Variants in ZBTB7B observed in about 807,000 individuals in gnomAD.
ZBTB7B encodes the protein zinc finger and BTB domain containing 7B, also known as zinc finger and BTB domain-containing protein 7B.
In ZBTB7B, 8 loss-of-function variants were observed where a neutral mutation model predicts 31.0. The observed-to-expected ratio is 0.26, with a 90% CI of 0.15 to 0.47. ZBTB7B has a LOEUF of 0.47. Ranked by LOEUF, ZBTB7B falls within the 20% of genes least tolerant of loss-of-function variation. The pLI, the probability that ZBTB7B is intolerant of heterozygous loss-of-function variation, is 0.99. For missense variants in ZBTB7B, 494 were observed against 742.4 expected (o/e 0.67, Z 3.89); for synonymous variants, 261 against 307.3 (o/e 0.85, Z 1.58).
chr1:155,015,395 T>C lies in ZBTB7B; in HGVS notation c.735T>C (p.Ser245=), dbSNP rs150014228. The C allele has an allele frequency of 2.7e-5, 42 of 1,569,150 alleles. No homozygotes were observed. The African/African-American group carries it at 4.1e-4, about 15-fold the overall frequency. The stretch of plus-strand genomic sequence containing the variant: ...AGGTGGCGGGCAGAGTGGGCAGCAG[T>C]GGGGGCAGTGGGCCGGGGGACAGCT... ...EEEVAGRVGS[S]GGSGPGDSYS... The change falls in exon 2 of 3, where the codon AGT becomes AGC. Residue 245 remains serine (S), a synonymous_variant. Transcript: ENST00000535420.
At chr1:155,015,955 G>A in intron 2 of ZBTB7B, 141 bp downstream of exon 2, 2 of 1,148,052 alleles carry the variant, frequency 1.7e-6, no homozygotes, top group Non-Finnish European at 2.4e-6. Context: ...ACTGGAGTGA[G>A]GAGAGCAGAA....
intron 1 of ZBTB7B, among the ~76,000 whole-genome samples, chr1:155,006,761 A>G (rs1255696599): frequency 6.6e-6 from 1 of 150,912 alleles, no homozygotes; most frequent in Non-Finnish European, 1.5e-5. Context: ...CCCCACCCAT[A>G]TGCCCCTTTC....
intron 1 of ZBTB7B, among the ~76,000 whole-genome samples, chr1:155,013,823 T>G: frequency 7.9e-6 from 1 of 126,424 alleles, no homozygotes; most frequent in Non-Finnish European, 1.6e-5. Flanking sequence ...CAGCAAAGGG[T>G]GGCTGCTCCT....
chr1:155,014,617 C>G (rs1251411038), intron 1 of ZBTB7B, 38 bp from the exon 2 acceptor site: 1 of 1,572,888 alleles, frequency 6.4e-7, no homozygotes, highest in East Asian at 2.2e-5. Flanking sequence ...CCCCTGTGGG[C>G]TGAGCGCTCT....
chr1:155,015,011 C>T lies in ZBTB7B; in HGVS notation c.351C>T (p.Asn117=), dbSNP rs1452267839. The T allele has an allele frequency of 6.2e-7, 1 of 1,614,020 alleles. No individual in the cohort carries two copies. Among genetic ancestry groups the T allele is most frequent in the Admixed American group, 1.7e-5 (1 of 60,024 alleles). Residue 117 remains asparagine (N), a synonymous_variant, in exon 2 of 3, where the codon AAC becomes AAT. Transcript: ENST00000535420. The part of the protein sequence containing the change: ...YTATLTTSSA[N]MPAVLQAARL... Reference sequence around the variant, plus strand: ...CCACACTGACCACCAGCAGCGCCAACATGCCAGCTGTGCTCCAGGCTGCCC... The same window carrying T: ...CCACACTGACCACCAGCAGCGCCAATATGCCAGCTGTGCTCCAGGCTGCCC...
At chr1:155,014,047 G>T in intron 1 of ZBTB7B, 1 of 986,158 alleles carries the variant, frequency 1.0e-6, no homozygotes, top group Non-Finnish European at 1.2e-6. Context: ...GATAACTTGA[G>T]TTAAAGCACC....
intron 1 of ZBTB7B, among the ~76,000 whole-genome samples, chr1:155,006,973 G>A (rs1294018535): frequency 6.6e-6 from 1 of 152,142 alleles, no homozygotes; most frequent in South Asian, 2.1e-4. Context: ...TTCTCAAGGG[G>A]GACTACAACT....
chr1:155,004,492 C>G lies in ZBTB7B; in HGVS notation c.-7+1549C>G, dbSNP rs745745373. Among the ~76,000 whole-genome samples, 99 of 152,116 alleles carry G rather than the reference C, an allele frequency of 6.5e-4. No homozygotes were observed. Among genetic ancestry groups the G allele is most frequent in the Non-Finnish European group, 1.2e-3 (85 of 68,002 alleles). ...TGGGGTTGCCTCCTGCTGCCCCACACACACCAACTGGTTTGGTCACCCCTG... is the reference window on the plus strand; with the variant it reads ...TGGGGTTGCCTCCTGCTGCCCCACAGACACCAACTGGTTTGGTCACCCCTG... On this transcript the variant is annotated intron_variant, in intron 1 of 2. Coordinates refer to ENST00000535420, the MANE Select transcript of ZBTB7B (RefSeq NM_001256455.2). This position sits in a 1 kb window ranked among gnomAD's most constrained non-coding sequence, Gnocchi z 4.0.
rs775864598 is a variant in ZBTB7B, at chr1:155,016,446, C to T, written c.1381C>T (p.Arg461Trp). Residue 461 changes from arginine (R) to tryptophan (W), a missense_variant, in exon 3 of 3, where the codon CGG becomes TGG. Physicochemically the swap from Arg to Trp is moderately radical, Grantham distance 101. This residue lies in a region of ZBTB7B where 101 missense variants were observed against 119.5 expected (regional missense o/e 0.85). Coordinates refer to ENST00000535420, the MANE Select transcript of ZBTB7B (RefSeq NM_001256455.2). The surrounding 1 kb of genome is among the most constrained non-coding windows in gnomAD (Gnocchi z 4.3). ...GQNCLEVRTR[R>W]RRKDDAPPHY... ...GAACTGCCTGGAGGTGCGCACCCGA[C>T]GGCGCCGCAAGGACGATGCACCACC... The T allele has an allele frequency of 3.1e-6, 5 of 1,613,958 alleles. No individual in the cohort carries two copies. Among genetic ancestry groups the T allele is most frequent in the East Asian group, 2.2e-5 (1 of 44,890 alleles).
intron 1 of ZBTB7B, chr1:155,014,118 C>T: frequency 1.0e-6 from 1 of 983,318 alleles, no homozygotes; most frequent in Non-Finnish European, 1.2e-6. Flanking sequence ...TCTCATTGGC[C>T]TCTCCCCAGG....
rs1415385456 is a variant in ZBTB7B, at chr1:155,016,541, C to T, written c.1476C>T (p.Asp492=). The T allele has an allele frequency of 2.5e-6, 4 of 1,614,014 alleles. No homozygotes were observed. The highest frequency in any genetic ancestry group is 3.4e-6 in the Non-Finnish European group (4 of 1,179,970). ...TCGACCTCTCCAATGGCCACCTGGA[C>T]ACCTTCCGCCTCTCTCTAGCTCGAT... The part of the protein sequence containing the change: ...AGLDLSNGHL[D]TFRLSLARFW... Residue 492 remains aspartate (D), a synonymous_variant, in exon 3 of 3, where the codon GAC becomes GAT. Transcript: ENST00000535420. The surrounding 1 kb of genome is among the most constrained non-coding windows in gnomAD (Gnocchi z 4.3).
At chr1:155,007,232 A>G (rs947353311) in intron 1 of ZBTB7B, among the ~76,000 whole-genome samples, 2 of 152,120 alleles carry the variant, frequency 1.3e-5, no homozygotes, top group African/African-American at 4.8e-5. Flanking sequence ...TTAGGGCCCC[A>G]CCCAAAAGAT....
rs1659589086 is a variant in ZBTB7B, at chr1:155,017,970, G to T, written c.*1285G>T. ...TTGGTCTTGTTGAAATCTAGTTTCA[G>T]ATTTTTAACTACCCAATTCTGCTGG... On this transcript the variant is annotated 3_prime_UTR_variant, in exon 3 of 3. Coordinates refer to ENST00000535420, the MANE Select transcript of ZBTB7B (RefSeq NM_001256455.2). 1.3e-5 allele frequency: 2 copies of T among 157,284 alleles called. No homozygotes were observed. The highest frequency in any genetic ancestry group is 4.8e-5 in the African/African-American group (2 of 41,486). 9.7% of individuals were successfully genotyped at this position (157,284 alleles called of 1,614,324 possible). A position where few individuals can be genotyped will look rare whatever the true frequency, so the allele number is the denominator to read the frequency against.
Position 155,016,223 on chromosome 1 carries a change from C to T in ZBTB7B, c.1158C>T (p.Asn386=), listed in dbSNP as rs761457355. The T allele has an allele frequency of 1.4e-5, 23 of 1,611,866 alleles. No individual in the cohort carries two copies. In the Admixed American group the frequency reaches 3.2e-4, roughly 22 times the overall value. Residue 386 remains asparagine (N), a synonymous_variant, in exon 3 of 3, where the codon AAC becomes AAT. Transcript: ENST00000535420. This position sits in a 1 kb window ranked among gnomAD's most constrained non-coding sequence, Gnocchi z 4.3. ...CCCTCACCCCTGCCTGTGCCAGGAACGACAAGCTGAAGATCCACATGCGGA... is the reference window on the plus strand; with the variant it reads ...CCCTCACCCCTGCCTGTGCCAGGAATGACAAGCTGAAGATCCACATGCGGA... The part of the protein sequence containing the change: ...CEVCGVRFTR[N]DKLKIHMRKH...
rs1420614925 is a variant in ZBTB7B, at chr1:155,016,818, C to G, written c.*133C>G. ...TGGCATCAGCATCAGCCCTTCCTCC[C>G]AGAGCCCTCATTCCAATTCCAAGCT... On this transcript the variant is annotated 3_prime_UTR_variant, in exon 3 of 3. Coordinates refer to ENST00000535420, the MANE Select transcript of ZBTB7B (RefSeq NM_001256455.2). This position sits in a 1 kb window ranked among gnomAD's most constrained non-coding sequence, Gnocchi z 4.3. 2.4e-5 allele frequency: 15 copies of G among 612,898 alleles called. No homozygotes were observed. The highest frequency in any genetic ancestry group is 3.7e-5 in the Non-Finnish European group (13 of 349,080). The allele number at this position is 612,898 out of a possible 1,614,324, so 38.0% of individuals were successfully genotyped here. A position where few individuals can be genotyped will look rare whatever the true frequency, so the allele number is the denominator to read the frequency against.
intron 1 of ZBTB7B, among the ~76,000 whole-genome samples, chr1:155,011,915 C>G (rs1040591392): frequency 2.6e-5 from 4 of 152,134 alleles, no homozygotes; most frequent in African/African-American, 4.8e-5. Context: ...GTTGGCACCA[C>G]CATAGCTCCA....
In ZBTB7B at chr1:155,016,145, C is replaced by T. The variant is rs1659389387; in HGVS notation, c.1155-75C>T. On this transcript the variant is annotated intron_variant, in intron 2 of 2. Transcript: ENST00000535420. This position sits in a 1 kb window ranked among gnomAD's most constrained non-coding sequence, Gnocchi z 4.3. ...GTGAGGAACAGGGATGGGACAAGGCCAGGGTGGGATGACCAGGAGGAGCCA... is the reference window on the plus strand; with the variant it reads ...GTGAGGAACAGGGATGGGACAAGGCTAGGGTGGGATGACCAGGAGGAGCCA... The T allele has an allele frequency of 2.0e-6, 3 of 1,492,868 alleles. No homozygotes were observed. Among genetic ancestry groups the T allele is most frequent in the Non-Finnish European group, 2.8e-6 (3 of 1,088,862 alleles). 92.5% of individuals were successfully genotyped at this position (1,492,868 alleles called of 1,614,324 possible).
At position 155,016,874 on chromosome 1, in the gene ZBTB7B, T is replaced by C. The variant is rs1659457922; in HGVS notation, c.*189T>C. 6 of 559,186 alleles carry C rather than the reference T, an allele frequency of 1.1e-5. No individual in the cohort carries two copies. The South Asian group carries it at 1.3e-4, about 12-fold the overall frequency. 34.6% of individuals were successfully genotyped at this position (559,186 alleles called of 1,614,324 possible). Reference sequence around the variant, plus strand: ...GGTATTGGGGCAGAGGCTCCCCAAATTGGGGTGATCCCCCAAGGAGTGATA... The same window carrying C: ...GGTATTGGGGCAGAGGCTCCCCAAACTGGGGTGATCCCCCAAGGAGTGATA... On this transcript the variant is annotated 3_prime_UTR_variant, in exon 3 of 3. Coordinates refer to ENST00000535420, the MANE Select transcript of ZBTB7B (RefSeq NM_001256455.2). This position sits in a 1 kb window ranked among gnomAD's most constrained non-coding sequence, Gnocchi z 4.3.
In ZBTB7B at chr1:155,016,829, T is replaced by A; in HGVS notation, c.*144T>A. ...TCAGCCCTTCCTCCCAGAGCCCTCA[T>A]TCCAATTCCAAGCTAAGAAGGTATT... On this transcript the variant is annotated 3_prime_UTR_variant, in exon 3 of 3. Coordinates refer to ENST00000535420, the MANE Select transcript of ZBTB7B (RefSeq NM_001256455.2). This position sits in a 1 kb window ranked among gnomAD's most constrained non-coding sequence, Gnocchi z 4.3. The A allele has an allele frequency of 1.7e-6, 1 of 598,668 alleles. No homozygotes were observed. The allele number at this position is 598,668 out of a possible 1,614,324, so 37.1% of individuals were successfully genotyped here.
Sources: gnomAD v4.1 joint callset for allele counts (sites outside exome capture counted in the v4.1 genomes callset) on GRCh38, gnomAD v4.1.1 for gene constraint, gnomAD v4.1.1 regional missense constraint, Gnocchi (gnomAD v3.1) non-coding constraint, MANE v1.5 for transcripts, NCBI Gene and HGNC (gene_info 2026-07-23, HGNC 2026-07-21) for gene names.